The following ME3 variants were observed in gnomAD, a reference collection of about 807,000 sequenced individuals.
ME3 encodes the protein NADP-dependent malic enzyme, mitochondrial.
ME3 carries 48 observed loss-of-function variants against 68.9 expected under a neutral mutation model. That is an observed-to-expected ratio of 0.70 (90% CI 0.55 to 0.89). The LOEUF (loss-of-function observed/expected upper bound fraction) is 0.89. Ranked by LOEUF, ME3 falls within the 40% of genes least tolerant of loss-of-function variation. The pLI is 0.00. For missense variants in ME3, 675 were observed against 797.4 expected (o/e 0.85, Z 1.85); for synonymous variants, 320 against 318.8 (o/e 1.00, Z -0.04).
intron 2 of ME3, among the ~76,000 whole-genome samples, chr11:86,607,926 C>T (rs940513296): frequency 3.3e-5 from 5 of 152,046 alleles, no homozygotes; most frequent in African/African-American, 1.2e-4. Context: ...TTCTTTCTGG[C>T]ATGTTGGGAC....
chr11:86,615,747 T>A (rs12576144), intron 2 of ME3, among the ~76,000 whole-genome samples: 2 of 152,010 alleles, frequency 1.3e-5, no homozygotes, highest in African/African-American at 4.8e-5. Context: ...CACTCTGACC[T>A]TGAGGGTGCT....
At chr11:86,621,035 C>T (rs1197447929) in intron 2 of ME3, among the ~76,000 whole-genome samples, 4 of 152,108 alleles carry the variant, frequency 2.6e-5, no homozygotes, top group Non-Finnish European at 5.9e-5. Context: ...GGTTGGGATC[C>T]AAGGGACAAA....
intron 2 of ME3, among the ~76,000 whole-genome samples, chr11:86,645,798 G>A (rs1944971501): frequency 6.6e-6 from 1 of 152,192 alleles, no homozygotes; most frequent in Non-Finnish European, 1.5e-5. Context: ...TCATACAGGA[G>A]AGCCCCAGCT....
intron 2 of ME3, among the ~76,000 whole-genome samples, chr11:86,567,241 A>AG (rs1192790204): frequency 3.4e-4 from 38 of 111,432 alleles, no homozygotes; most frequent in African/African-American, 8.6e-4. Flanking sequence ...AAGAAAAGAA[A>AG]GAAAGGAAGG....
intron 2 of ME3, among the ~76,000 whole-genome samples, chr11:86,665,575 G>C (rs1002388857): frequency 6.6e-6 from 1 of 152,130 alleles, no homozygotes; most frequent in African/African-American, 2.4e-5. Context: ...TGAAGACTTG[G>C]ATGTGGCCAG....
chr11:86,618,969 G>T (rs577288929), intron 2 of ME3, among the ~76,000 whole-genome samples: 1 of 151,974 alleles, frequency 6.6e-6, no homozygotes, highest in African/African-American at 2.4e-5. Flanking sequence ...TTGGCCTCCC[G>T]AAGTGCTGGG....
intron 4 of ME3, among the ~76,000 whole-genome samples, chr11:86,545,726 A>G (rs901291261): frequency 2.8e-4 from 43 of 152,316 alleles, no homozygotes; most frequent in African/African-American, 1.0e-3. Flanking sequence ...TATTGTGAAA[A>G]TGGCCATACT....
chr11:86,579,127 T>C (rs1265888919), intron 2 of ME3, among the ~76,000 whole-genome samples: 1 of 152,202 alleles, frequency 6.6e-6, no homozygotes, highest in Non-Finnish European at 1.5e-5. Flanking sequence ...AGACTAAATA[T>C]ATATAGCCCC....
intron 4 of ME3, among the ~76,000 whole-genome samples, chr11:86,555,852 G>A (rs1040899470): frequency 1.3e-5 from 2 of 152,100 alleles, no homozygotes; most frequent in Non-Finnish European, 2.9e-5. Context: ...ATATTTGAAC[G>A]TAGACTAGAA....
chr11:86,584,916 T>C (rs1958643489), intron 2 of ME3, among the ~76,000 whole-genome samples: 1 of 152,124 alleles, frequency 6.6e-6, no homozygotes, highest in Admixed American at 6.5e-5. Context: ...CACTTAAAAA[T>C]GTGTTAAGAG....
At chr11:86,516,414 GTCTCAC>G (rs1330239013) in intron 4 of ME3, among the ~76,000 whole-genome samples, 3 of 151,930 alleles carry the variant, frequency 2.0e-5, no homozygotes, top group Non-Finnish European at 4.4e-5. Context: ...GAGAGATGGA[GTCTCAC>G]TCTGTCACCC....
chr11:86,604,851 TTA>T (rs1269567924), intron 2 of ME3, among the ~76,000 whole-genome samples: 1 of 152,198 alleles, frequency 6.6e-6, no homozygotes, highest in Admixed American at 6.5e-5. Flanking sequence ...CCATTGTATC[TTA>T]TATGTTTTAA....
chr11:86,624,609 C>G (rs1270669020), intron 2 of ME3, among the ~76,000 whole-genome samples: 2 of 152,200 alleles, frequency 1.3e-5, no homozygotes, highest in Admixed American at 6.5e-5. Flanking sequence ...GATTTTGTTG[C>G]TTTAAAAATA....
chr11:86,669,190 C>G (rs1269330056), intron 2 of ME3, among the ~76,000 whole-genome samples: 2 of 152,182 alleles, frequency 1.3e-5, no homozygotes, highest in Non-Finnish European at 2.9e-5. Flanking sequence ...CTCTGTTGCT[C>G]CCCTTCTGTC....
chr11:86,610,158 C>T (rs1186177029), intron 2 of ME3, among the ~76,000 whole-genome samples: 2 of 152,114 alleles, frequency 1.3e-5, no homozygotes, highest in Admixed American at 1.3e-4. Context: ...AATCATTAAA[C>T]ACCAAATTTA....
chr11:86,526,613 C>T (rs1168648019), intron 4 of ME3, among the ~76,000 whole-genome samples: 1 of 152,214 alleles, frequency 6.6e-6, no homozygotes, highest in Non-Finnish European at 1.5e-5. Context: ...TGGGAGGCAA[C>T]ATCCAGTAGG....
At chr11:86,505,813 C>T (rs914508551) in intron 5 of ME3, among the ~76,000 whole-genome samples, 2 of 152,200 alleles carry the variant, frequency 1.3e-5, no homozygotes, top group Admixed American at 6.5e-5. Flanking sequence ...TCTACATAGT[C>T]GCTGGGACTG....
At chr11:86,566,896 A>G (rs1307646073) in intron 2 of ME3, among the ~76,000 whole-genome samples, 2 of 152,034 alleles carry the variant, frequency 1.3e-5, no homozygotes, top group African/African-American at 4.8e-5. Flanking sequence ...GTGGGGTGTC[A>G]GGGGAGTTGT....
rs1961904663 is a variant in ME3 at position 86,607,666 on chromosome 11, A to G, written c.184-47843T>C. 2.7e-5 allele frequency among the ~76,000 whole-genome samples: 4 copies of G among 149,702 alleles called. No individual in the cohort carries two copies. In the South Asian group the frequency reaches 8.4e-4, roughly 32 times the overall value. ...TTTTGTTGTTTTTTTTCAGCTTCCA[A>G]TAGATCACATCTAGAGATAGGGAAG... On this transcript the variant is annotated intron_variant, in intron 2 of 14. Coordinates refer to ENST00000543262, the Ensembl canonical transcript of ME3.
Sources: gnomAD v4.1 joint callset for allele counts (sites outside exome capture counted in the v4.1 genomes callset) on GRCh38, gnomAD v4.1.1 for gene constraint, MANE v1.5 for transcripts, NCBI Gene and HGNC (gene_info 2026-07-23, HGNC 2026-07-21) for gene names.